Variants in ADAMTS18 observed in about 807,000 individuals in gnomAD.
ADAMTS18 encodes A disintegrin and metalloproteinase with thrombospondin motifs 18.
Under a neutral mutation model 165.9 loss-of-function variants are expected in ADAMTS18, and 157 were observed. The observed-to-expected ratio is 0.95, with a 90% CI of 0.83 to 1.08. The LOEUF is 1.08. Among genes scored for constraint, ADAMTS18 ranks in the 50% least tolerant of loss-of-function variants. The pLI is 0.00. For missense variants in ADAMTS18, 2,040 were observed against 1,534.0 expected (o/e 1.33, Z -5.51); for synonymous variants, 782 against 578.2 (o/e 1.35, Z -5.06).
chr16:77,425,276 A>C (rs2057656980), intron 3 of ADAMTS18, among the ~76,000 whole-genome samples: 1 of 152,176 alleles, frequency 6.6e-6, no homozygotes, highest in Non-Finnish European at 1.5e-5. Context: ...GAAAAGAGAA[A>C]CGAGGGGAAA....
intron 3 of ADAMTS18, among the ~76,000 whole-genome samples, chr16:77,393,992 G>C (rs887467456): frequency 6.6e-6 from 1 of 152,220 alleles, no homozygotes. Flanking sequence ...GGTCTAATTG[G>C]ATTACTGCTG....
chr16:77,351,613 C>T (rs1395216421), intron 10 of ADAMTS18, among the ~76,000 whole-genome samples: 1 of 152,054 alleles, frequency 6.6e-6, no homozygotes, highest in East Asian at 1.9e-4. Flanking sequence ...CATAATGAAT[C>T]CTTTAGAATG....
intron 3 of ADAMTS18, among the ~76,000 whole-genome samples, chr16:77,391,686 G>A (rs1244008176): frequency 6.6e-6 from 1 of 152,030 alleles, no homozygotes; most frequent in East Asian, 1.9e-4. Context: ...ATCTGCTGGG[G>A]TTAGAAACAG....
intron 10 of ADAMTS18, among the ~76,000 whole-genome samples, chr16:77,349,584 T>G (rs901553622): frequency 1.5e-5 from 2 of 136,672 alleles, no homozygotes; most frequent in African/African-American, 5.5e-5. Context: ...CATGAATAAC[T>G]ATTGTTCCCT....
At chr16:77,387,325 G>C (rs899979105) in intron 3 of ADAMTS18, among the ~76,000 whole-genome samples, 2 of 152,140 alleles carry the variant, frequency 1.3e-5, no homozygotes, top group African/African-American at 4.8e-5. Flanking sequence ...ATGGGTCATG[G>C]ATCACTTTAC....
Position 77,364,168 on chromosome 16 carries a change from T to C in ADAMTS18, c.972+20A>G. The C allele has an allele frequency of 6.2e-7, 1 of 1,614,016 alleles. No individual in the cohort carries two copies. Among genetic ancestry groups the C allele is most frequent in the Non-Finnish European group, 8.5e-7 (1 of 1,179,942 alleles). ...TTATTTTCTTTGGAGAGCCAGAAGG[T>C]TTGTGACACCCCCGCTTACCATGTT... On this transcript the variant is annotated intron_variant, in intron 5 of 22. Coordinates refer to ENST00000282849, the MANE Select transcript of ADAMTS18 (RefSeq NM_199355.4).
intron 6 of ADAMTS18, among the ~76,000 whole-genome samples, chr16:77,362,753 G>T (rs916801887): frequency 6.6e-6 from 1 of 152,156 alleles, no homozygotes. Context: ...CAAAGGATAA[G>T]AGAGGACCTA....
chr16:77,379,282 C>A (rs1597198925), intron 3 of ADAMTS18, among the ~76,000 whole-genome samples: 2 of 152,194 alleles, frequency 1.3e-5, no homozygotes, highest in Admixed American at 6.5e-5. Context: ...AATCTCTTAT[C>A]CTCCTGCTCC....
At chr16:77,393,270 G>A (rs116378375) in intron 3 of ADAMTS18, among the ~76,000 whole-genome samples, 2,376 of 152,196 alleles carry the variant, frequency 0.016, 57 homozygotes, top group African/African-American at 0.055. Context: ...TCATTATTAC[G>A]CCATAGCCCT....
At chr16:77,332,718 G>A (rs1466358709) in intron 12 of ADAMTS18, among the ~76,000 whole-genome samples, 1 of 152,132 alleles carries the variant, frequency 6.6e-6, no homozygotes, top group Non-Finnish European at 1.5e-5. Context: ...CCACCTTCAT[G>A]TGCACAGAGC....
intron 3 of ADAMTS18, among the ~76,000 whole-genome samples, chr16:77,421,613 CT>C (rs2057603816): frequency 1.3e-5 from 2 of 152,276 alleles, no homozygotes; most frequent in African/African-American, 4.8e-5. Flanking sequence ...GAAATGAGTT[CT>C]CAGTAACTTT....
chr16:77,347,458 G>A (rs995170337), intron 10 of ADAMTS18, among the ~76,000 whole-genome samples: 1 of 152,068 alleles, frequency 6.6e-6, no homozygotes, highest in African/African-American at 2.4e-5. Context: ...TCTGGTCTTC[G>A]GTATCATTTG....
chr16:77,324,775 A>G (rs1485346150), intron 13 of ADAMTS18, among the ~76,000 whole-genome samples: 3 of 152,246 alleles, frequency 2.0e-5, no homozygotes, highest in Admixed American at 2.0e-4. Context: ...TAAATTGAAC[A>G]TCCTTCCTAT....
chr16:77,362,027 C>T, intron 7 of ADAMTS18, 78 bp downstream of exon 7: 2 of 1,473,746 alleles, frequency 1.4e-6, no homozygotes, highest in Non-Finnish European at 1.9e-6. Flanking sequence ...AACATAAGGG[C>T]TATCCATCAT....
At chr16:77,367,837 G>T in intron 3 of ADAMTS18, 114 bp from the exon 4 acceptor site, 1 of 1,183,568 alleles carries the variant, frequency 8.4e-7, no homozygotes, top group Non-Finnish European at 1.3e-6. Context: ...GGAGCTAAAA[G>T]CTTCACACAT....
At chr16:77,406,948 G>A (rs1379027681) in intron 3 of ADAMTS18, among the ~76,000 whole-genome samples, 1 of 151,992 alleles carries the variant, frequency 6.6e-6, no homozygotes, top group East Asian at 1.9e-4. Context: ...GAAGGGAGAG[G>A]AAGGGAGAAG....
At chr16:77,421,643 G>A (rs934777275) in intron 3 of ADAMTS18, among the ~76,000 whole-genome samples, 1 of 152,172 alleles carries the variant, frequency 6.6e-6, no homozygotes, top group Non-Finnish European at 1.5e-5. Flanking sequence ...TACAAGCCAG[G>A]TATTAATGAT....
At position 77,314,777 on chromosome 16, in the gene ADAMTS18, TATATATATAA is replaced by T. The variant is rs1164000924; in HGVS notation, c.2532+5062_2532+5071del. ...TCATATATATATATATATATATATA[TATATATATAA>T]AATATATGTGATATGCTCAGAAGGC... On this transcript the variant is annotated intron_variant, in intron 16 of 22. Transcript: ENST00000282849. Among the ~76,000 whole-genome samples, 44 of 86,468 alleles carry T rather than the reference TATATATATAA, an allele frequency of 5.1e-4. 6 individuals carry two copies. Among genetic ancestry groups the T allele is most frequent in the South Asian group, 1.0e-3 (3 of 2,964 alleles). The allele number at this position is 86,468 out of a possible 152,430, so 56.7% of individuals were successfully genotyped here. A position where few individuals can be genotyped will look rare whatever the true frequency, so the allele number is the denominator to read the frequency against.
intron 3 of ADAMTS18, among the ~76,000 whole-genome samples, chr16:77,427,976 G>A (rs2057694451): frequency 6.6e-6 from 1 of 152,018 alleles, no homozygotes; most frequent in African/African-American, 2.4e-5. Context: ...ACTTTCTTTG[G>A]GGACTTCTCT....
Sources: allele counts gnomAD v4.1 joint callset (sites outside exome capture counted in the v4.1 genomes callset), GRCh38; gene constraint gnomAD v4.1.1; transcripts MANE v1.5; gene names NCBI Gene and HGNC (gene_info 2026-07-23, HGNC 2026-07-21).